PCM1: variants seen among roughly 807,000 people sequenced by gnomAD.
The protein encoded by PCM1 is pericentriolar material 1 protein.
PCM1 carries 157 observed loss-of-function variants against 241.9 expected under a neutral mutation model. The observed-to-expected ratio is 0.65, with a 90% CI of 0.57 to 0.74. PCM1 has a LOEUF of 0.74. Among genes scored for constraint, PCM1 ranks in the 30% least tolerant of loss-of-function variants. The pLI is 0.00. For synonymous variants in PCM1, 1,085 were observed against 784.9 expected (o/e 1.38, Z -6.39); for missense variants, 3,478 against 2,360.1 (o/e 1.47, Z -9.81).
At position 17,939,872 on chromosome 8, in the gene PCM1, G is replaced by A. The variant is rs371519793; in HGVS notation, c.783+11G>A. 7.1e-6 allele frequency: 10 copies of A among 1,399,408 alleles called. No individual in the cohort carries two copies. The highest frequency in any genetic ancestry group is 5.0e-5 in the East Asian group (2 of 40,086). 86.7% of individuals were successfully genotyped at this position (1,399,408 alleles called of 1,614,324 possible). A position where few individuals can be genotyped will look rare whatever the true frequency, so the allele number is the denominator to read the frequency against. On this transcript the variant is annotated intron_variant, in intron 6 of 38. Transcript: ENST00000325083. The stretch of plus-strand genomic sequence containing the variant: ...CTTAAAAAAATCCTTGTAAGTATTC[G>A]ACTTTTAAAATAACATATTATTTTT...
intron 24 of PCM1, chr8:17,983,418 A>G (rs2081590672): frequency 6.0e-6 from 2 of 334,668 alleles, no homozygotes; most frequent in South Asian, 3.0e-5. Context: ...TGACTATTGT[A>G]AAAGATAATT....
chr8:17,965,083 G>GA (rs1319905177), intron 18 of PCM1, among the ~76,000 whole-genome samples: 1 of 151,698 alleles, frequency 6.6e-6, no homozygotes, highest in Non-Finnish European at 1.5e-5. Flanking sequence ...CGAAATACAG[G>GA]AAAAGACTTA....
At chr8:18,011,194 A>G in intron 32 of PCM1, 43 bp from the exon 33 acceptor site, 2 of 1,456,630 alleles carry the variant, frequency 1.4e-6, no homozygotes, top group Middle Eastern at 1.8e-4. Context: ...CCTTTTACAC[A>G]TGTACTTTAA....
chr8:17,961,304 CTTTTTTTTTTTTTT>C (rs35468848), intron 15 of PCM1, among the ~76,000 whole-genome samples: 1 of 79,140 alleles, frequency 1.3e-5, no homozygotes, highest in African/African-American at 5.3e-5. Context: ...TATTGGCTAG[CTTTTTTTTTTTTTT>C]TTTTTTTTTT....
chr8:17,959,320 CAT>C (rs376812173), intron 13 of PCM1, among the ~76,000 whole-genome samples: 5 of 74,328 alleles, frequency 6.7e-5, no homozygotes, highest in Admixed American at 1.8e-4. Flanking sequence ...AATAATACTG[CAT>C]ATATATATAT....
chr8:17,946,547 A>G (rs998277636), intron 6 of PCM1, among the ~76,000 whole-genome samples: 2 of 150,092 alleles, frequency 1.3e-5, no homozygotes, highest in Admixed American at 6.7e-5. Context: ...CCCAGGCTGG[A>G]GTGCAATGGT....
rs376041475 is a variant in PCM1, at chr8:18,027,990, T to C, written c.*328T>C. ...TCTATAAAGTATCTTTTTTGGAAATTATATTGAATTCTATACAGCAAGTCA... is the reference window on the plus strand; with the variant it reads ...TCTATAAAGTATCTTTTTTGGAAATCATATTGAATTCTATACAGCAAGTCA... On this transcript the variant is annotated 3_prime_UTR_variant, in exon 39 of 39. Coordinates refer to ENST00000325083, the MANE Select transcript of PCM1 (RefSeq NM_006197.4). The C allele has an allele frequency of 1.4e-4, 36 of 264,858 alleles. No homozygotes were observed. The highest frequency in any genetic ancestry group is 5.6e-4 in the African/African-American group (26 of 46,240). The allele number at this position is 264,858 out of a possible 1,614,324, so 16.4% of individuals were successfully genotyped here. A position where few individuals can be genotyped will look rare whatever the true frequency, so the allele number is the denominator to read the frequency against.
At chr8:17,974,910 G>C (rs1192124396) in intron 23 of PCM1, among the ~76,000 whole-genome samples, 1 of 150,946 alleles carries the variant, frequency 6.6e-6, no homozygotes, top group Non-Finnish European at 1.5e-5. Flanking sequence ...AGGCTTGATA[G>C]CAGAATCAAA....
intron 18 of PCM1, among the ~76,000 whole-genome samples, chr8:17,965,724 G>T (rs1472187277): frequency 1.3e-5 from 2 of 152,174 alleles, no homozygotes; most frequent in African/African-American, 4.8e-5. Context: ...AACTACTTGT[G>T]ACATAATAAA....
chr8:17,983,422 G>C (rs1363903559), intron 24 of PCM1: 1 of 328,542 alleles, frequency 3.0e-6, no homozygotes, highest in African/African-American at 2.2e-5. Context: ...TATTGTAAAA[G>C]ATAATTTATA....
chr8:18,025,379 A>T lies in PCM1; in HGVS notation c.5860A>T (p.Ile1954Leu), dbSNP rs531080006. ...VNDYEAESGN[I>L]SQKSDEEDFV... ...ATTACAGGAAGCAGAATCTGGTAATATAAGTCAAAAGTCTGATGAAGAAGA... is the reference window on the plus strand; with the variant it reads ...ATTACAGGAAGCAGAATCTGGTAATTTAAGTCAAAAGTCTGATGAAGAAGA... Residue 1954 changes from isoleucine to leucine, a missense_variant, in exon 37 of 39, where the codon ATA becomes TTA. Ile to Leu is a conservative substitution (Grantham distance 5). Coordinates refer to ENST00000325083, the MANE Select transcript of PCM1 (RefSeq NM_006197.4). 41 of 1,594,974 alleles carry T rather than the reference A, an allele frequency of 2.6e-5. No individual in the cohort carries two copies. In the Middle Eastern group the frequency reaches 5.0e-4, roughly 19 times the overall value.
chr8:17,994,979 C>T (rs577047634), intron 29 of PCM1, among the ~76,000 whole-genome samples: 3 of 151,352 alleles, frequency 2.0e-5, no homozygotes, highest in Non-Finnish European at 4.4e-5. Context: ...TGTGGGTTGT[C>T]TCTTCACTTT....
Position 17,989,976 on chromosome 8 carries a change from C to T in PCM1, c.4528C>T (p.Leu1510=). Reference sequence around the variant, plus strand: ...TTTTGAGCCTTTTGCAACAGATGATCTAGGTAAGCAGAATTGTTTATAATC... The same window carrying T: ...TTTTGAGCCTTTTGCAACAGATGATTTAGGTAAGCAGAATTGTTTATAATC... ...SNFEPFATDD[L]GNTVIHLDQA... The change falls in exon 27 of 39, where the codon CTA becomes TTA. Residue 1510 remains leucine (L), a synonymous_variant. Coordinates refer to ENST00000325083, the MANE Select transcript of PCM1 (RefSeq NM_006197.4). 2.6e-6 allele frequency: 4 copies of T among 1,526,934 alleles called. No individual in the cohort carries two copies. Among genetic ancestry groups the T allele is most frequent in the Non-Finnish European group, 3.5e-6 (4 of 1,136,474 alleles). 94.6% of individuals were successfully genotyped at this position (1,526,934 alleles called of 1,614,324 possible). A position where few individuals can be genotyped will look rare whatever the true frequency, so the allele number is the denominator to read the frequency against.
chr8:17,965,398 T>C (rs373752449), intron 18 of PCM1, among the ~76,000 whole-genome samples: 1 of 152,202 alleles, frequency 6.6e-6, no homozygotes, highest in African/African-American at 2.4e-5. Context: ...ACATTATCAC[T>C]TGGGAGATTC....
chr8:17,985,360 A>T, intron 24 of PCM1, 87 bp from the exon 25 acceptor site: 1 of 805,962 alleles, frequency 1.2e-6, no homozygotes, highest in Non-Finnish European at 1.9e-6. Context: ...TAGATAATTT[A>T]AAGCTGAGAG....
At chr8:17,923,816 C>G (rs143839624) in intron 1 of PCM1, among the ~76,000 whole-genome samples, 81 of 152,166 alleles carry the variant, frequency 5.3e-4, no homozygotes, top group Middle Eastern at 3.4e-3. Context: ...CCCTTCCTAC[C>G]TATCTAGTTA....
At chr8:18,014,312 A>T (rs935299185) in intron 35 of PCM1, among the ~76,000 whole-genome samples, 13 of 151,518 alleles carry the variant, frequency 8.6e-5, no homozygotes, top group South Asian at 4.2e-4. Context: ...TGGTAGATTT[A>T]AAAAAAAAAT....
Position 18,028,720 on chromosome 8 carries a change from C to G in PCM1, c.*1058C>G, listed in dbSNP as rs1011152092. 5.0e-6 allele frequency: 1 copy of G among 200,600 alleles called. No homozygotes were observed. Among genetic ancestry groups the G allele is most frequent in the African/African-American group, 2.3e-5 (1 of 43,542 alleles). The allele number at this position is 200,600 out of a possible 1,614,324, so 12.4% of individuals were successfully genotyped here. ...CCCAGTAAGGCTTCAAAAAACCAGT[C>G]AACAATGAGTAAGTCAATCTTATAG... On this transcript the variant is annotated 3_prime_UTR_variant, in exon 39 of 39. Transcript: ENST00000325083.
intron 6 of PCM1, among the ~76,000 whole-genome samples, chr8:17,942,958 C>G: frequency 6.7e-6 from 1 of 149,394 alleles, no homozygotes; most frequent in Non-Finnish European, 1.5e-5. Context: ...GATCCTGCCA[C>G]TGTACTCCAG....
Sources: gnomAD v4.1 joint callset for allele counts (sites outside exome capture counted in the v4.1 genomes callset) on GRCh38, gnomAD v4.1.1 for gene constraint, MANE v1.5 for transcripts, NCBI Gene and HGNC (gene_info 2026-07-23, HGNC 2026-07-21) for gene names.